SPPL2A: variants seen among roughly 807,000 people sequenced by gnomAD.
SPPL2A encodes signal peptide peptidase-like 2A.
In SPPL2A, 51 loss-of-function variants were observed where a neutral mutation model predicts 63.8. That is an observed-to-expected ratio of 0.80 (90% CI 0.64 to 1.01). SPPL2A has a LOEUF of 1.01. Ranked by LOEUF, SPPL2A falls within the 50% of genes least tolerant of loss-of-function variation. The pLI, the probability that SPPL2A is intolerant of heterozygous loss-of-function variation, is 0.00. For synonymous variants in SPPL2A, 188 were observed against 205.8 expected, an observed-to-expected ratio of 0.91 and a Z score of 0.74; for missense variants, 553 against 622.7, an observed-to-expected ratio of 0.89 and a Z score of 1.19.
rs1424271794 is a variant in SPPL2A at position 50,732,681 on chromosome 15, C to G, written c.936G>C (p.Trp312Cys). 6.2e-7 allele frequency: 1 copy of G among 1,603,760 alleles called. No homozygotes were observed. The highest frequency in any genetic ancestry group is 8.5e-7 in the Non-Finnish European group (1 of 1,171,916). Reference sequence around the variant, plus strand: ...CCAAGATATCCTGTAAAATCCAAGCCCACCTAAAATCAAAAAATATTACTC... The same window carrying G: ...CCAAGATATCCTGTAAAATCCAAGCGCACCTAAAATCAAAAAATATTACTC... The part of the protein sequence containing the change: ...VWAVFRNEDR[W>C]AWILQDILGI... The change falls in exon 9 of 15, where the codon TGG (tryptophan) becomes TGC (cysteine). Residue 312 changes from tryptophan to cysteine, a missense_variant. Trp to Cys is a radical substitution (Grantham distance 215). Coordinates refer to ENST00000261854, the MANE Select transcript of SPPL2A (RefSeq NM_032802.4).
chr15:50,728,537 G>A (rs1470858264), intron 10 of SPPL2A, among the ~76,000 whole-genome samples: 2 of 151,922 alleles, frequency 1.3e-5, no homozygotes, highest in South Asian at 4.2e-4. Context: ...TAGTAGAGAC[G>A]GGGTTTCACC....
intron 14 of SPPL2A, among the ~76,000 whole-genome samples, chr15:50,709,811 A>C (rs1313431392): frequency 6.6e-6 from 1 of 152,022 alleles, no homozygotes; most frequent in Non-Finnish European, 1.5e-5. Context: ...AAAAAAATAA[A>C]AAAATAAAAA....
chr15:50,751,017 TA>T (rs1308128776), intron 1 of SPPL2A, among the ~76,000 whole-genome samples: 7 of 152,226 alleles, frequency 4.6e-5, no homozygotes, highest in African/African-American at 1.7e-4. Flanking sequence ...AGAAATGTTC[TA>T]ATCCCATGCT....
Position 50,749,639 on chromosome 15 carries a change from AT to A in SPPL2A, c.173del (p.Asn58MetfsTer7). ...ATAGTAACTGTGATTTACTTACTGC[AT>A]TTTCTAGGGTACTTGGAAGAGCTGT... is the stretch of plus-strand genomic sequence containing the variant. ...YWTALPSTLENATSISLMNLT... is the reference protein window; with the variant it reads ...YWTALPSTLEXATSISLMNLT... On this transcript the variant is annotated frameshift_variant, in exon 2 of 15. Coordinates refer to ENST00000261854, the MANE Select transcript of SPPL2A (RefSeq NM_032802.4). LOFTEE classifies it high-confidence loss of function. 1 of 1,564,752 alleles carries A rather than the reference AT, an allele frequency of 6.4e-7. No homozygotes were observed. The highest frequency in any genetic ancestry group is 1.1e-5 in the South Asian group (1 of 90,020).
intron 1 of SPPL2A, among the ~76,000 whole-genome samples, chr15:50,756,542 G>T (rs1229357583): frequency 6.6e-6 from 1 of 151,732 alleles, no homozygotes; most frequent in Non-Finnish European, 1.5e-5. Flanking sequence ...GTCTTCTATG[G>T]CTTCATTAAA....
chr15:50,719,536 T>C (rs2062627634), intron 14 of SPPL2A, among the ~76,000 whole-genome samples: 1 of 152,170 alleles, frequency 6.6e-6, no homozygotes, highest in Non-Finnish European at 1.5e-5. Context: ...TGAGCCACCG[T>C]GCCTGGCCAG....
chr15:50,747,969 AC>A (rs1246954486), intron 4 of SPPL2A, 143 bp downstream of exon 4: 30 of 466,938 alleles, frequency 6.4e-5, no homozygotes, highest in Admixed American at 1.3e-4. Context: ...AGAGATGAGT[AC>A]TTTCCAAACA....
In SPPL2A at chr15:50,765,393, G is replaced by A. The variant is rs550111938; in HGVS notation, c.66+75C>T. The stretch of plus-strand genomic sequence containing the variant: ...CAGAGGGGAGGCCGGGCGAGGAGTA[G>A]GGGAAGGGAGCCCCGGCCTTGGCCC... On this transcript the variant is annotated intron_variant, in intron 1 of 14. Transcript: ENST00000261854. The A allele has an allele frequency of 7.1e-5, 86 of 1,219,350 alleles. No individual in the cohort carries two copies. In the African/African-American group the frequency reaches 1.2e-3, roughly 18 times the overall value. The allele number at this position is 1,219,350 out of a possible 1,614,324, so 75.5% of individuals were successfully genotyped here.
chr15:50,702,527 T>C lies in SPPL2A; in HGVS notation c.*5273A>G, dbSNP rs2062483879. ...CTGAGAAGTAAAAATTCAATCATGT[T>C]TTAAAAAATGTTTTCATTTGAACAA... On this transcript the variant is annotated 3_prime_UTR_variant, in exon 15 of 15. Coordinates refer to ENST00000261854, the MANE Select transcript of SPPL2A (RefSeq NM_032802.4). 6.6e-6 allele frequency: 1 copy of C among 152,172 alleles called. No individual in the cohort carries two copies. Among genetic ancestry groups the C allele is most frequent in the South Asian group, 2.1e-4 (1 of 4,826 alleles). The allele number at this position is 152,172 out of a possible 1,614,324, so 9.4% of individuals were successfully genotyped here.
intron 1 of SPPL2A, among the ~76,000 whole-genome samples, chr15:50,757,017 T>G (rs1351851502): frequency 6.6e-6 from 1 of 152,080 alleles, no homozygotes. Flanking sequence ...TCTACAATAC[T>G]GGCATGGGTT....
chr15:50,735,018 C>A (rs925037000), intron 8 of SPPL2A, among the ~76,000 whole-genome samples: 17 of 152,014 alleles, frequency 1.1e-4, no homozygotes, highest in African/African-American at 4.1e-4. Flanking sequence ...GATTCTCTTG[C>A]CTCAGCCTCC....
intron 5 of SPPL2A, among the ~76,000 whole-genome samples, chr15:50,740,186 T>C (rs2062807329): frequency 6.6e-6 from 1 of 152,006 alleles, no homozygotes; most frequent in Non-Finnish European, 1.5e-5. Flanking sequence ...CCCAGCACTT[T>C]GGGAGGCTGA....
chr15:50,748,334 ACT>A lies in SPPL2A; in HGVS notation c.361-134_361-133del, dbSNP rs535214765. 9.0e-4 allele frequency: 396 copies of A among 440,334 alleles called. 3 individuals carry two copies. The highest frequency in any genetic ancestry group is 7.5e-3 in the African/African-American group (357 of 47,836). 27.3% of individuals were successfully genotyped at this position (440,334 alleles called of 1,614,324 possible). A position where few individuals can be genotyped will look rare whatever the true frequency, so the allele number is the denominator to read the frequency against. ...AAAATTTCAGGTATTCTTTCTTAAC[ACT>A]CTAAGTTCTCAAAATTGAATCCTTT... On this transcript the variant is annotated intron_variant, in intron 3 of 14. Coordinates refer to ENST00000261854, the MANE Select transcript of SPPL2A (RefSeq NM_032802.4).
intron 1 of SPPL2A, 88 bp downstream of exon 1, chr15:50,765,380 C>A: frequency 9.6e-7 from 1 of 1,044,436 alleles, no homozygotes; most frequent in Non-Finnish European, 1.3e-6. Flanking sequence ...GAGGGGAGGC[C>A]GGGCGAGGAG....
At chr15:50,749,596 C>T in intron 2 of SPPL2A, 40 bp downstream of exon 2, 1 of 1,333,324 alleles carries the variant, frequency 7.5e-7, no homozygotes, top group Admixed American at 1.7e-5. Flanking sequence ...TCCTTCTTCA[C>T]TATTTTTATG....
intron 6 of SPPL2A, among the ~76,000 whole-genome samples, chr15:50,738,864 G>A (rs1336694862): frequency 1.3e-5 from 2 of 152,142 alleles, no homozygotes; most frequent in Non-Finnish European, 2.9e-5. Flanking sequence ...CCACAGGGAA[G>A]TACCTGTGTG....
At chr15:50,744,515 G>A (rs1193180926) in intron 5 of SPPL2A, among the ~76,000 whole-genome samples, 5 of 152,088 alleles carry the variant, frequency 3.3e-5, no homozygotes, top group African/African-American at 1.2e-4. Flanking sequence ...TTCATTGAGA[G>A]TTATGAATAT....
rs1487304011 is a variant in SPPL2A, at chr15:50,725,259, G to C, written c.1211C>G (p.Pro404Arg). 1.2e-6 allele frequency: 2 copies of C among 1,607,990 alleles called. No individual in the cohort carries two copies. The highest frequency in any genetic ancestry group is 2.7e-5 in the African/African-American group (2 of 74,550). The stretch of plus-strand genomic sequence containing the variant: ...GTCTCCAAAACCCAATATTGAAACA[G>C]GCATGAGGCACACACTCATTACTGA... ...YFSVMSVCLM[P>R]VSILGFGDII... The change falls in exon 12 of 15, where the codon CCT becomes CGT. Residue 404 changes from proline (P) to arginine (R), a missense_variant. Pro to Arg is a moderately radical substitution (Grantham distance 103). Transcript: ENST00000261854.
intron 5 of SPPL2A, among the ~76,000 whole-genome samples, chr15:50,740,860 A>G (rs12915607): frequency 0.28 from 42,292 of 152,012 alleles, 6,711 homozygotes; most frequent in East Asian, 0.55. Flanking sequence ...CACCCACCTC[A>G]GCCTCCCAAA....
Sources: gnomAD v4.1 joint callset for allele counts (sites outside exome capture counted in the v4.1 genomes callset) on GRCh38, gnomAD v4.1.1 for gene constraint, MANE v1.5 for transcripts, NCBI Gene and HGNC (gene_info 2026-07-23, HGNC 2026-07-21) for gene names.